The following ZSWIM4 variants were observed in gnomAD, a reference collection of about 807,000 sequenced individuals.
The protein encoded by ZSWIM4 is zinc finger SWIM-type containing 4, also known as zinc finger SWIM domain-containing protein 4.
Under a neutral mutation model 102.5 loss-of-function variants are expected in ZSWIM4, and 62 were observed. That is an observed-to-expected ratio of 0.60 (90% confidence interval 0.49 to 0.75). ZSWIM4 has a LOEUF of 0.75. ZSWIM4 is among the 30% of genes least tolerant of loss of function. ZSWIM4 has a pLI of 0.00. For synonymous variants in ZSWIM4, 652 were observed against 674.5 expected, an observed-to-expected ratio of 0.97 and a Z score of 0.52; for missense variants, 1,280 against 1,529.6, an observed-to-expected ratio of 0.84 and a Z score of 2.72.
chr19:13,795,576 G>A lies in ZSWIM4; in HGVS notation c.-73G>A. ...AAGGAGGGCAGGGGGCGCGGGAGCC[G>A]GCGAAGCGGAGCGGGCATCGGACCG... On this transcript the variant is annotated 5_prime_UTR_variant, in exon 1 of 14. Coordinates refer to ENST00000590508, the MANE Select transcript of ZSWIM4 (RefSeq NM_001367834.3). 4.1e-6 allele frequency: 1 copy of A among 243,450 alleles called. No individual in the cohort carries two copies. 15.1% of individuals were successfully genotyped at this position (243,450 alleles called of 1,614,324 possible).
chr19:13,797,889 G>A (rs1487741105), intron 1 of ZSWIM4, among the ~76,000 whole-genome samples: 1 of 152,164 alleles, frequency 6.6e-6, no homozygotes, highest in Non-Finnish European at 1.5e-5. Context: ...CTGACCTCAA[G>A]TGATCCTCCC....
chr19:13,828,593 A>G, intron 12 of ZSWIM4, 52 bp from the exon 13 acceptor site: 2 of 1,571,240 alleles, frequency 1.3e-6, no homozygotes, highest in East Asian at 2.2e-5. Context: ...GCCCCTCCAT[A>G]GGCCAGCCCA....
intron 13 of ZSWIM4, among the ~76,000 whole-genome samples, chr19:13,829,395 A>G (rs1187655346): frequency 6.6e-6 from 1 of 152,218 alleles, no homozygotes; most frequent in Non-Finnish European, 1.5e-5. Context: ...GTTCGAGACC[A>G]GCCTGGCCAA....
chr19:13,809,214 G>A lies in ZSWIM4; in HGVS notation c.1006G>A (p.Glu336Lys), dbSNP rs761953746. The A allele has an allele frequency of 6.2e-7, 1 of 1,602,314 alleles. No homozygotes were observed. Among genetic ancestry groups the A allele is most frequent in the Non-Finnish European group, 8.5e-7 (1 of 1,174,684 alleles). The stretch of plus-strand genomic sequence containing the variant: ...GGACAAGTGCCGGCAGCTCTGGGAT[G>A]AGCTGGGTGAGGCCCAAACCCCGGT... ...MTDKCRQLWD[E>K]LGALWVCVVL... Residue 336 changes from glutamate to lysine, a missense_variant, in exon 5 of 14, where the codon GAG becomes AAG. Physicochemically the swap from Glu to Lys is moderately conservative, Grantham distance 56. Transcript: ENST00000590508. The surrounding 1 kb of genome is among the most constrained non-coding windows in gnomAD (Gnocchi z 4.2).
Position 13,823,410 on chromosome 19 carries a change from A to G in ZSWIM4, c.2125A>G (p.Met709Val). The change falls in exon 11 of 14, where the codon ATG becomes GTG. Residue 709 changes from methionine (M) to valine (V), a missense_variant. Physicochemically the swap from Met to Val is conservative, Grantham distance 21. Coordinates refer to ENST00000590508, the MANE Select transcript of ZSWIM4 (RefSeq NM_001367834.3). ...TCATCCCAGCCCGCTGGACTCCATC[A>G]TGAGCAACCGCTTCCCCCGCTGGTT... ...EPHPSPLDSI[M>V]SNRFPRWFIL... is the part of the protein sequence containing the mutation. 4 of 1,612,844 alleles carry G rather than the reference A, an allele frequency of 2.5e-6. No homozygotes were observed. The highest frequency in any genetic ancestry group is 2.5e-6 in the Non-Finnish European group (3 of 1,179,420).
intron 1 of ZSWIM4, among the ~76,000 whole-genome samples, chr19:13,796,241 G>A (rs1204966898): frequency 7.6e-6 from 1 of 132,144 alleles, no homozygotes; most frequent in Non-Finnish European, 1.6e-5. Context: ...TTTTCCTACC[G>A]CATCTTTATT....
rs1238286726 is a variant in ZSWIM4, at chr19:13,816,049, GGGAA to G, written c.1532-1156_1532-1153del. ...CAGAGAGAGATGGGGGGAGAGAGAG[GGGAA>G]GGAAGGAAGGGAGGGAGGGAAGGAG... On this transcript the variant is annotated intron_variant, in intron 7 of 13. Coordinates refer to ENST00000590508, the MANE Select transcript of ZSWIM4 (RefSeq NM_001367834.3). 5.3e-5 allele frequency among the ~76,000 whole-genome samples: 8 copies of G among 149,922 alleles called. 1 individual carries two copies. The South Asian group carries it at 6.4e-4, about 12-fold the overall frequency.
intron 2 of ZSWIM4, among the ~76,000 whole-genome samples, chr19:13,802,859 G>C (rs1051745221): frequency 6.6e-6 from 1 of 152,138 alleles, no homozygotes; most frequent in Non-Finnish European, 1.5e-5. Context: ...GATTACAGGC[G>C]TGACCCACCA....
Position 13,825,651 on chromosome 19 carries a change from AC to A in ZSWIM4, c.2321del (p.Pro774ArgfsTer21), listed in dbSNP as rs1975587232. 6.2e-7 allele frequency: 1 copy of A among 1,613,592 alleles called. No individual in the cohort carries two copies. ...KLAQDACKTA[T>X]PVSAPPDTTL... ...GGCGCAGGACGCCTGCAAGACAGCC[AC>A]CCCGGTCAGCGCCCCACCAGACACC... On this transcript the variant is annotated frameshift_variant, in exon 12 of 14. Coordinates refer to ENST00000590508, the MANE Select transcript of ZSWIM4 (RefSeq NM_001367834.3). LOFTEE classifies it high-confidence loss of function. This position sits in a 1 kb window ranked among gnomAD's most constrained non-coding sequence, Gnocchi z 4.6.
At chr19:13,823,691 C>T (rs1007005259) in intron 11 of ZSWIM4, among the ~76,000 whole-genome samples, 191 bp downstream of exon 11, 1 of 152,306 alleles carries the variant, frequency 6.6e-6, no homozygotes, top group African/African-American at 2.4e-5. Flanking sequence ...GTCCCAGATC[C>T]CCTGCCCTGT....
At position 13,799,924 on chromosome 19, in the gene ZSWIM4, G is replaced by A; in HGVS notation, c.355+3G>A. On this transcript the variant is annotated splice_donor_region_variant and intron_variant, in intron 2 of 13. Coordinates refer to ENST00000590508, the MANE Select transcript of ZSWIM4 (RefSeq NM_001367834.3). ...CGTGGACCGCGTGTTGCAAGTGGGT[G>A]AGTCTTTGTCCCCCACTCCTGCTGG... The A allele has an allele frequency of 1.2e-6, 2 of 1,608,222 alleles. No individual in the cohort carries two copies. Among genetic ancestry groups the A allele is most frequent in the Non-Finnish European group, 1.7e-6 (2 of 1,179,366 alleles).
intron 10 of ZSWIM4, among the ~76,000 whole-genome samples, chr19:13,821,151 G>A (rs113279742): frequency 2.8e-4 from 42 of 152,146 alleles, no homozygotes; most frequent in African/African-American, 9.9e-4. Flanking sequence ...GGGTGTGGAG[G>A]TGCATACCTG....
intron 2 of ZSWIM4, among the ~76,000 whole-genome samples, chr19:13,801,226 G>T (rs1974763970): frequency 6.6e-6 from 1 of 152,126 alleles, no homozygotes; most frequent in Non-Finnish European, 1.5e-5. Flanking sequence ...GGTGGTGAAG[G>T]TGCCAGACCT....
At chr19:13,823,267 C>A (rs1244964014) in intron 10 of ZSWIM4, 79 bp from the exon 11 acceptor site, 22 of 1,482,786 alleles carry the variant, frequency 1.5e-5, no homozygotes, top group Middle Eastern at 2.5e-4. Context: ...GGAGGCTGGG[C>A]CAGGAGGCTT....
Position 13,808,861 on chromosome 19 carries a change from A to G in ZSWIM4, c.738A>G (p.Ala246=), listed in dbSNP as rs1360272102. ...VNGAPDPTAG[A]GIEDANCWHL... is the part of the protein sequence containing the mutation. ...GTGCCCCAGACCCCACCGCCGGCGCAGGAATCGAGGACGCCAACTGCTGGC... is the reference window on the plus strand; with the variant it reads ...GTGCCCCAGACCCCACCGCCGGCGCGGGAATCGAGGACGCCAACTGCTGGC... Residue 246 remains alanine (A), a synonymous_variant, in exon 4 of 14, where the codon GCA becomes GCG. Coordinates refer to ENST00000590508, the MANE Select transcript of ZSWIM4 (RefSeq NM_001367834.3). 3 of 1,609,950 alleles carry G rather than the reference A, an allele frequency of 1.9e-6. No individual in the cohort carries two copies. The highest frequency in any genetic ancestry group is 2.5e-6 in the Non-Finnish European group (3 of 1,178,396).
chr19:13,799,855 C>T lies in ZSWIM4; in HGVS notation c.289C>T (p.Arg97Trp), dbSNP rs760233986. The T allele has an allele frequency of 2.5e-6, 4 of 1,613,668 alleles. No homozygotes were observed. Among genetic ancestry groups the T allele is most frequent in the East Asian group, 2.2e-5 (1 of 44,880 alleles). The change falls in exon 2 of 14, where the codon CGG becomes TGG. Residue 97 changes from arginine (R) to tryptophan (W), a missense_variant. Physicochemically the swap from Arg to Trp is moderately radical, Grantham distance 101. Transcript: ENST00000590508. The stretch of plus-strand genomic sequence containing the variant: ...GCCCCCAGAGGGCGAGCACGATGCC[C>T]GGGTGCCCTTTACCCGCGGGCTGCA... The part of the protein sequence containing the change: ...YPPPEGEHDA[R>W]VPFTRGLHLL...
Position 13,799,745 on chromosome 19 carries a change from C to G in ZSWIM4, c.179C>G (p.Pro60Arg). Residue 60 changes from proline to arginine, a missense_variant, in exon 2 of 14, where the codon CCT (proline) becomes CGT (arginine). Physicochemically the swap from Pro to Arg is moderately radical, Grantham distance 103. Transcript: ENST00000590508. ...GTGGAGGAGCGGTTCTCCCGGGTGC[C>G]TGAGCCCGTCCAGAAGCGCATCGTG... ...EQVEERFSRV[P>R]EPVQKRIVFW... The G allele has an allele frequency of 1.2e-6, 2 of 1,614,092 alleles. No homozygotes were observed. The highest frequency in any genetic ancestry group is 1.7e-5 in the Admixed American group (1 of 60,026).
In ZSWIM4 at chr19:13,817,804, G is replaced by A. The variant is rs150672021; in HGVS notation, c.1752G>A (p.Ala584=). 18 of 1,586,720 alleles carry A rather than the reference G, an allele frequency of 1.1e-5. No homozygotes were observed. The highest frequency in any genetic ancestry group is 1.5e-5 in the Non-Finnish European group (17 of 1,167,970). Residue 584 remains alanine (A), a synonymous_variant, in exon 9 of 14, where the codon GCG becomes GCA. Coordinates refer to ENST00000590508, the MANE Select transcript of ZSWIM4 (RefSeq NM_001367834.3). ...CTGGGGAGTCCTACTTGGTGCTGGC[G>A]CTGGAGGTGGCACTGCTGGGGCTGG... ...GSPGESYLVL[A]LEVALLGLGQ... is the part of the protein sequence containing the mutation.
chr19:13,827,745 A>G (rs1199230007), intron 12 of ZSWIM4, among the ~76,000 whole-genome samples: 3 of 152,098 alleles, frequency 2.0e-5, no homozygotes, highest in Non-Finnish European at 4.4e-5. Context: ...TTCAGAGGCT[A>G]CTCAAGAGGT....
Sources: gnomAD v4.1 joint callset for allele counts (sites outside exome capture counted in the v4.1 genomes callset) on GRCh38, gnomAD v4.1.1 for gene constraint, Gnocchi (gnomAD v3.1) non-coding constraint, MANE v1.5 for transcripts, NCBI Gene and HGNC (gene_info 2026-07-23, HGNC 2026-07-21) for gene names.